Variants in THSD7A observed in about 807,000 individuals in gnomAD.
The protein encoded by THSD7A is thrombospondin type 1 domain containing 7A.
THSD7A carries 96 observed loss-of-function variants against 231.3 expected under a neutral mutation model. That is an observed-to-expected ratio of 0.41 (90% confidence interval 0.35 to 0.49). THSD7A has a LOEUF of 0.49. THSD7A is among the 20% of genes least tolerant of loss of function. THSD7A has a pLI of 0.05. For missense variants in THSD7A, 2,290 were observed against 2,070.2 expected (o/e 1.11, Z -2.06); for synonymous variants, 940 against 743.3 (o/e 1.26, Z -4.30).
chr7:11,454,994 C>G (rs969397649), intron 11 of THSD7A, among the ~76,000 whole-genome samples: 1 of 151,954 alleles, frequency 6.6e-6, no homozygotes, highest in African/African-American at 2.4e-5. Context: ...GTTGAAATCA[C>G]CAATGTGATG....
chr7:11,593,370 A>T lies in THSD7A; in HGVS notation c.1155T>A (p.Thr385=), dbSNP rs1307836966. 6.2e-7 allele frequency: 1 copy of T among 1,614,006 alleles called. No individual in the cohort carries two copies. The highest frequency in any genetic ancestry group is 8.5e-7 in the Non-Finnish European group (1 of 1,179,892). The change falls in exon 3 of 28, where the codon ACT becomes ACA. Residue 385 remains threonine (T), a synonymous_variant. Coordinates refer to ENST00000423059, the MANE Select transcript of THSD7A (RefSeq NM_015204.3). ...GCCTGATGGTTCGTGTCCTTACACG[A>T]GTGCCTGCAGGGGACACCATGTCAT... ...TCHDMVSPAG[T]RVRTRTIRQF... is the part of the protein sequence containing the mutation.
chr7:11,412,867 C>G, intron 17 of THSD7A, 67 bp from the exon 18 acceptor site: 1 of 1,541,174 alleles, frequency 6.5e-7, no homozygotes, highest in South Asian at 1.2e-5. Flanking sequence ...ATATTAGAGA[C>G]AGCACTGGAG....
chr7:11,773,656 A>T (rs993701862), intron 1 of THSD7A, among the ~76,000 whole-genome samples: 3 of 152,178 alleles, frequency 2.0e-5, no homozygotes, highest in East Asian at 1.9e-4. Flanking sequence ...TTTCTTTTTT[A>T]AAAAATGTTT....
At chr7:11,679,357 G>A (rs1783774249) in intron 1 of THSD7A, among the ~76,000 whole-genome samples, 1 of 152,092 alleles carries the variant, frequency 6.6e-6, no homozygotes, top group South Asian at 2.1e-4. Context: ...AGGGCAGCCA[G>A]GCAAGGGAAA....
At chr7:11,735,019 C>A (rs143113788) in intron 1 of THSD7A, among the ~76,000 whole-genome samples, 14 of 151,984 alleles carry the variant, frequency 9.2e-5, no homozygotes, top group Non-Finnish European at 1.6e-4. Flanking sequence ...TGTAAGAACC[C>A]TCTGCTTCTT....
intron 1 of THSD7A, among the ~76,000 whole-genome samples, chr7:11,724,789 G>T (rs1583227790): frequency 6.6e-6 from 1 of 151,836 alleles, no homozygotes. Context: ...ATAAATTCAA[G>T]GAGAAACATA....
intron 26 of THSD7A, 36 bp downstream of exon 26, chr7:11,379,034 A>C: frequency 6.2e-7 from 1 of 1,603,958 alleles, no homozygotes; most frequent in African/African-American, 1.3e-5. Context: ...AAAAGAACTA[A>C]AGGTTTCTCT....
intron 6 of THSD7A, among the ~76,000 whole-genome samples, chr7:11,482,314 C>T (rs2214446): frequency 0.38 from 57,359 of 151,970 alleles, 11,220 homozygotes; most frequent in South Asian, 0.47. Context: ...TAATAAGGAG[C>T]ATCAACAAAG....
chr7:11,426,369 A>G (rs1329836270), intron 15 of THSD7A, among the ~76,000 whole-genome samples: 1 of 152,208 alleles, frequency 6.6e-6, no homozygotes, highest in East Asian at 1.9e-4. Context: ...GCACAAGACC[A>G]TTAATAATGG....
intron 1 of THSD7A, among the ~76,000 whole-genome samples, chr7:11,796,813 A>G (rs930850397): frequency 4.6e-5 from 7 of 152,008 alleles, no homozygotes; most frequent in African/African-American, 4.8e-5. Flanking sequence ...TTGTACAGTC[A>G]TTTTTCTATA....
Position 11,474,687 on chromosome 7 carries a change from A to C in THSD7A, c.2018-119T>G, listed in dbSNP as rs1280472172. ...AAAGTGACTTTTCTTCCCCACATCA[A>C]GTTCATAAATACACGCAATATTTAT... On this transcript the variant is annotated intron_variant, in intron 7 of 27. Transcript: ENST00000423059. This position sits in a 1 kb window ranked among gnomAD's most constrained non-coding sequence, Gnocchi z 4.1. 1 of 766,518 alleles carries C rather than the reference A, an allele frequency of 1.3e-6. No homozygotes were observed. The highest frequency in any genetic ancestry group is 2.1e-6 in the Non-Finnish European group (1 of 484,718). 47.5% of individuals were successfully genotyped at this position (766,518 alleles called of 1,614,324 possible).
rs147323367 is a variant in THSD7A at position 11,635,748 on chromosome 7, C to G, written c.1022+382G>C. On this transcript the variant is annotated intron_variant, in intron 2 of 27. Transcript: ENST00000423059. ...CTGTCTTGGAGAGATTACAACTATG[C>G]CTTTTTCTATTAGCTCACTAAAATA... 1.7e-3 allele frequency among the ~76,000 whole-genome samples: 264 copies of G among 152,136 alleles called. 1 individual carries two copies. The highest frequency in any genetic ancestry group is 6.1e-3 in the African/African-American group (252 of 41,514).
At chr7:11,608,669 C>A (rs913048064) in intron 2 of THSD7A, among the ~76,000 whole-genome samples, 2 of 152,062 alleles carry the variant, frequency 1.3e-5, no homozygotes, top group Non-Finnish European at 2.9e-5. Context: ...TAAAATAATG[C>A]CATTCTTTCC....
At position 11,637,000 on chromosome 7, in the gene THSD7A, G is replaced by A; in HGVS notation, c.191-39C>T. The A allele has an allele frequency of 4.5e-6, 7 of 1,548,622 alleles. No individual in the cohort carries two copies. Among genetic ancestry groups the A allele is most frequent in the East Asian group, 2.3e-5 (1 of 44,398 alleles). ...AACACAAAAATTAGCAGTGCTACTA[G>A]AAGAAAACTACAAGTTACTGCACAT... is the stretch of plus-strand genomic sequence containing the variant. On this transcript the variant is annotated intron_variant, in intron 1 of 27. Coordinates refer to ENST00000423059, the MANE Select transcript of THSD7A (RefSeq NM_015204.3). This position sits in a 1 kb window ranked among gnomAD's most constrained non-coding sequence, Gnocchi z 10.0.
chr7:11,383,872 TGTGA>T (rs1397743546), intron 23 of THSD7A: 1 of 151,970 alleles, frequency 6.6e-6, no homozygotes, highest in Non-Finnish European at 1.5e-5. Flanking sequence ...TCTTTCAGAG[TGTGA>T]GTGAGGATTT....
chr7:11,433,383 A>G (rs1306421912), intron 13 of THSD7A, among the ~76,000 whole-genome samples: 1 of 151,954 alleles, frequency 6.6e-6, no homozygotes, highest in Non-Finnish European at 1.5e-5. Context: ...GTAATCACTT[A>G]TTTTCTTTAA....
At chr7:11,550,675 C>T (rs1008328403) in intron 4 of THSD7A, among the ~76,000 whole-genome samples, 3 of 152,112 alleles carry the variant, frequency 2.0e-5, no homozygotes, top group African/African-American at 7.2e-5. Flanking sequence ...AACCTCATTT[C>T]TTTAAAAATT....
At chr7:11,813,579 G>A (rs1174250842) in intron 1 of THSD7A, among the ~76,000 whole-genome samples, 2 of 151,954 alleles carry the variant, frequency 1.3e-5, no homozygotes, top group Non-Finnish European at 2.9e-5. Flanking sequence ...TGGGCATGGT[G>A]GCACACGCCT....
At chr7:11,601,176 T>C (rs1346332273) in intron 2 of THSD7A, among the ~76,000 whole-genome samples, 1 of 152,190 alleles carries the variant, frequency 6.6e-6, no homozygotes, top group African/African-American at 2.4e-5. Flanking sequence ...CCTAATATTT[T>C]TTTCGTATTC....
Sources: gnomAD v4.1 joint callset for allele counts (sites outside exome capture counted in the v4.1 genomes callset) on GRCh38, gnomAD v4.1.1 for gene constraint, Gnocchi (gnomAD v3.1) non-coding constraint, MANE v1.5 for transcripts, NCBI Gene and HGNC (gene_info 2026-07-23, HGNC 2026-07-21) for gene names.